GRIN2A: variants seen among roughly 807,000 people sequenced by gnomAD.
GRIN2A encodes the protein glutamate receptor ionotropic, NMDA 2A.
Under a neutral mutation model 113.4 loss-of-function variants are expected in GRIN2A, and 22 were observed. That is an observed-to-expected ratio of 0.19 (90% CI 0.14 to 0.28). GRIN2A has a LOEUF of 0.28. Among genes scored for constraint, GRIN2A ranks in the 10% least tolerant of loss-of-function variants. The pLI is 1.00. For missense variants in GRIN2A, 1,502 were observed against 1,887.0 expected (o/e 0.80, Z 3.78); for synonymous variants, 827 against 738.4 (o/e 1.12, Z -1.94).
intron 2 of GRIN2A, among the ~76,000 whole-genome samples, chr16:10,160,403 T>C (rs573324322): frequency 6.6e-6 from 1 of 152,302 alleles, no homozygotes; most frequent in South Asian, 2.1e-4. Flanking sequence ...CAAGTTCGTT[T>C]CTAGCTTCTA....
At chr16:10,109,115 T>A (rs2048558613) in intron 2 of GRIN2A, among the ~76,000 whole-genome samples, 1 of 151,502 alleles carries the variant, frequency 6.6e-6, no homozygotes, top group African/African-American at 2.4e-5. Context: ...ACTACAGACT[T>A]TAAGATATTA....
chr16:9,940,059 A>AGTGTGTGTGTGT (rs1348841299), intron 2 of GRIN2A, among the ~76,000 whole-genome samples: 4 of 145,390 alleles, frequency 2.8e-5, no homozygotes, highest in African/African-American at 7.8e-5. Flanking sequence ...AGAGAGAGAG[A>AGTGTGTGTGTGT]GAGTGTGTGT....
intron 2 of GRIN2A, among the ~76,000 whole-genome samples, chr16:10,162,424 T>G (rs1159819176): frequency 6.6e-6 from 1 of 152,246 alleles, no homozygotes; most frequent in East Asian, 1.9e-4. Flanking sequence ...ACAGTCTTTA[T>G]TACAGCAAAG....
chr16:10,174,055 G>C (rs1402937466), intron 2 of GRIN2A, among the ~76,000 whole-genome samples: 1 of 152,194 alleles, frequency 6.6e-6, no homozygotes, highest in African/African-American at 2.4e-5. Flanking sequence ...CGGGACTCTA[G>C]GGTTTCAAGT....
intron 8 of GRIN2A, among the ~76,000 whole-genome samples, chr16:9,833,188 C>T (rs1285358914): frequency 2.6e-5 from 4 of 152,150 alleles, no homozygotes; most frequent in African/African-American, 9.7e-5. Flanking sequence ...GAGTGGGATC[C>T]TTTTAATGAG....
intron 2 of GRIN2A, among the ~76,000 whole-genome samples, chr16:10,051,528 GT>G (rs1408496791): frequency 6.6e-6 from 1 of 152,180 alleles, no homozygotes; most frequent in Non-Finnish European, 1.5e-5. Context: ...ACTCAAAGTA[GT>G]TTTTAAAGTG....
intron 2 of GRIN2A, among the ~76,000 whole-genome samples, chr16:10,050,937 C>T (rs1362255628): frequency 6.6e-6 from 1 of 152,160 alleles, no homozygotes; most frequent in East Asian, 1.9e-4. Flanking sequence ...TAAATATGTG[C>T]CACTTTAAGC....
chr16:10,109,579 G>A (rs2048570227), intron 2 of GRIN2A, among the ~76,000 whole-genome samples: 1 of 150,372 alleles, frequency 6.7e-6, no homozygotes, highest in Non-Finnish European at 1.5e-5. Flanking sequence ...AACCAAGTAC[G>A]TTCACACCAT....
intron 2 of GRIN2A, among the ~76,000 whole-genome samples, chr16:10,005,965 G>C (rs888863862): frequency 6.6e-6 from 1 of 152,184 alleles, no homozygotes; most frequent in African/African-American, 2.4e-5. Flanking sequence ...TTAAGGGATA[G>C]CTTTTTACCT....
At chr16:9,824,237 T>A (rs974191841) in intron 9 of GRIN2A, among the ~76,000 whole-genome samples, 3 of 152,208 alleles carry the variant, frequency 2.0e-5, no homozygotes, top group African/African-American at 7.2e-5. Flanking sequence ...CGTCCACGTG[T>A]GCATGTGTGT....
intron 2 of GRIN2A, among the ~76,000 whole-genome samples, chr16:10,167,839 G>C (rs998048834): frequency 1.3e-5 from 2 of 152,162 alleles, no homozygotes; most frequent in African/African-American, 4.8e-5. Flanking sequence ...TTTCTTTGGG[G>C]GGATGTGGGG....
intron 4 of GRIN2A, among the ~76,000 whole-genome samples, chr16:9,863,362 G>A (rs2043104659): frequency 6.6e-6 from 1 of 151,042 alleles, no homozygotes; most frequent in Admixed American, 6.6e-5. Context: ...TGGAGCACAG[G>A]AGGTGGGGAG....
chr16:9,979,266 A>C (rs982831237), intron 2 of GRIN2A, among the ~76,000 whole-genome samples: 8 of 152,158 alleles, frequency 5.3e-5, no homozygotes, highest in African/African-American at 9.7e-5. Flanking sequence ...TCTAAGGAAC[A>C]AGGAAGACAG....
chr16:10,046,900 G>C lies in GRIN2A; in HGVS notation c.415-108349C>G, dbSNP rs1489857939. Among the ~76,000 whole-genome samples the C allele has an allele frequency of 2.0e-5, 3 of 152,152 alleles. No individual in the cohort carries two copies. The East Asian group carries it at 5.8e-4, about 29-fold the overall frequency. On this transcript the variant is annotated intron_variant, in intron 2 of 12. Transcript: ENST00000330684. ...TTTATTAAGCCTAACTATATGTTAAGTGCTGTGTATATCAGTTGCTCTACC... is the reference window on the plus strand; with the variant it reads ...TTTATTAAGCCTAACTATATGTTAACTGCTGTGTATATCAGTTGCTCTACC...
In GRIN2A at chr16:10,089,574, G is replaced by A. The variant is rs563042256; in HGVS notation, c.414+90424C>T. 1.2e-4 allele frequency among the ~76,000 whole-genome samples: 18 copies of A among 152,268 alleles called. No homozygotes were observed. The South Asian group carries it at 3.1e-3, about 26-fold the overall frequency. The stretch of plus-strand genomic sequence containing the variant: ...TCTGGAGAATGTCTAAGAATTATGA[G>A]AGAGTTTGGGGTATGTGTGCTTCTT... On this transcript the variant is annotated intron_variant, in intron 2 of 12. Transcript: ENST00000330684.
intron 4 of GRIN2A, among the ~76,000 whole-genome samples, chr16:9,877,382 T>C (rs573323845): frequency 6.6e-6 from 1 of 152,118 alleles, no homozygotes; most frequent in South Asian, 2.1e-4. Context: ...TTTCCCCAAA[T>C]GGAAGCTCAC....
chr16:10,170,492 C>G (rs2050019554), intron 2 of GRIN2A, among the ~76,000 whole-genome samples: 1 of 152,172 alleles, frequency 6.6e-6, no homozygotes, highest in Non-Finnish European at 1.5e-5. Context: ...CTTAAGTAAT[C>G]TCATCACACA....
At chr16:10,162,581 T>C (rs1308385074) in intron 2 of GRIN2A, among the ~76,000 whole-genome samples, 1 of 152,222 alleles carries the variant, frequency 6.6e-6, no homozygotes, top group Non-Finnish European at 1.5e-5. Flanking sequence ...TGGTCCTCCC[T>C]TTGTGTGTTT....
chr16:9,965,363 G>A (rs2045534214), intron 2 of GRIN2A, among the ~76,000 whole-genome samples: 1 of 152,170 alleles, frequency 6.6e-6, no homozygotes, highest in Non-Finnish European at 1.5e-5. Context: ...CCAGGCAACT[G>A]GGGAGATGGA....
Sources: allele counts gnomAD v4.1 joint callset (sites outside exome capture counted in the v4.1 genomes callset), GRCh38; gene constraint gnomAD v4.1.1; transcripts MANE v1.5; gene names NCBI Gene and HGNC (gene_info 2026-07-23, HGNC 2026-07-21).